AKAP19: variants seen among roughly 807,000 people sequenced by gnomAD.
AKAP19 encodes small A-kinase anchoring protein.
At chr2:190,077,912 G>C in the AKAP19 span, among the ~76,000 whole-genome samples, 1 of 152,090 alleles carries the variant, frequency 6.6e-6, no homozygotes. Context: ...TAATGCCCTG[G>C]GTATTCAACT....
At chr2:190,102,105 G>T in the AKAP19 span, among the ~76,000 whole-genome samples, 2 of 152,078 alleles carry the variant, frequency 1.3e-5, no homozygotes, top group African/African-American at 4.8e-5. Context: ...TGACTTTTGG[G>T]TAAACAAATT....
the AKAP19 span, chr2:190,181,298 G>A: frequency 3.2e-6 from 1 of 313,470 alleles, no homozygotes; most frequent in South Asian, 1.2e-4. Context: ...TAATCGAGAA[G>A]AGTTAGCCCC....
the AKAP19 span, among the ~76,000 whole-genome samples, chr2:190,169,058 G>A: frequency 3.3e-5 from 5 of 152,296 alleles, no homozygotes; most frequent in East Asian, 9.7e-4. Context: ...GCGAGATTGG[G>A]TAATTTACAA....
chr2:190,038,923 TTC>T, the AKAP19 span, among the ~76,000 whole-genome samples: 65 of 140,260 alleles, frequency 4.6e-4, no homozygotes, highest in African/African-American at 1.7e-3. Context: ...CTTCTTCTTC[TTC>T]TTCTTCTTCT....
the AKAP19 span, chr2:190,200,049 C>T: frequency 6.2e-7 from 1 of 1,613,970 alleles, no homozygotes; most frequent in African/African-American, 1.3e-5. Flanking sequence ...AATATGCACA[C>T]CGCCTGTCTC....
the AKAP19 span, among the ~76,000 whole-genome samples, chr2:190,141,970 G>A: frequency 1.3e-5 from 2 of 152,214 alleles, no homozygotes; most frequent in Non-Finnish European, 2.9e-5. Flanking sequence ...GGTGAGGTCT[G>A]GAAAGTCCTC....
At chr2:189,962,283 A>G in the AKAP19 span, among the ~76,000 whole-genome samples, 5 of 152,186 alleles carry the variant, frequency 3.3e-5, no homozygotes, top group African/African-American at 7.2e-5. Flanking sequence ...TAATGTAGGC[A>G]TGCAGCTTAT....
At chr2:190,183,589 T>C in the AKAP19 span, among the ~76,000 whole-genome samples, 1 of 152,160 alleles carries the variant, frequency 6.6e-6, no homozygotes, top group Non-Finnish European at 1.5e-5. Context: ...TATTAGTCTG[T>C]AAAGTCTAGG....
the AKAP19 span, among the ~76,000 whole-genome samples, chr2:189,964,672 A>G: frequency 1.3e-5 from 2 of 152,162 alleles, no homozygotes; most frequent in Non-Finnish European, 2.9e-5. Context: ...TGTTATGGAT[A>G]TGGCTTCCTT....
At chr2:190,094,266 G>A in the AKAP19 span, among the ~76,000 whole-genome samples, 4 of 152,258 alleles carry the variant, frequency 2.6e-5, no homozygotes, top group South Asian at 8.3e-4. Context: ...TTTTAAAAAG[G>A]GGAAACATGC....
At chr2:190,074,411 G>C in the AKAP19 span, among the ~76,000 whole-genome samples, 1 of 152,104 alleles carries the variant, frequency 6.6e-6, no homozygotes, top group East Asian at 1.9e-4. Flanking sequence ...CCAGCACTTT[G>C]GGAAGCTGAG....
the AKAP19 span, among the ~76,000 whole-genome samples, chr2:190,113,182 C>T: frequency 4.6e-5 from 7 of 151,902 alleles, no homozygotes; most frequent in Non-Finnish European, 8.8e-5. Flanking sequence ...TCACACCTTC[C>T]TTCCTTTTTC....
At chr2:190,108,531 A>G in the AKAP19 span, among the ~76,000 whole-genome samples, 1 of 152,226 alleles carries the variant, frequency 6.6e-6, no homozygotes, top group African/African-American at 2.4e-5. Context: ...CTTGGTGCTT[A>G]AATGGCAGAT....
At chr2:189,994,089 C>T in the AKAP19 span, among the ~76,000 whole-genome samples, 1 of 151,396 alleles carries the variant, frequency 6.6e-6, no homozygotes, top group Non-Finnish European at 1.5e-5. Context: ...CAGCTCACTG[C>T]AACCTCCACC....
the AKAP19 span, among the ~76,000 whole-genome samples, chr2:190,138,116 G>T: frequency 6.6e-6 from 1 of 152,168 alleles, no homozygotes; most frequent in East Asian, 1.9e-4. Flanking sequence ...TGTAAGAGGT[G>T]GTATGAAACA....
chr2:190,175,804 C>A, the AKAP19 span, among the ~76,000 whole-genome samples: 1 of 152,278 alleles, frequency 6.6e-6, no homozygotes, highest in African/African-American at 2.4e-5. Flanking sequence ...ATTATAATGG[C>A]AAACTGCCAT....
chr2:190,198,107 A>G, the AKAP19 span, among the ~76,000 whole-genome samples: 1 of 152,218 alleles, frequency 6.6e-6, no homozygotes, highest in Admixed American at 6.5e-5. Flanking sequence ...TCTCTGAAGT[A>G]TGCAGCGTGA....
chr2:190,046,481 C>T, the AKAP19 span, among the ~76,000 whole-genome samples: 3 of 152,132 alleles, frequency 2.0e-5, no homozygotes, highest in Non-Finnish European at 4.4e-5. Flanking sequence ...CCCCTAGTCT[C>T]TTTCATTTAT....
chr2:190,199,660 C>T, the AKAP19 span: 1 of 1,338,244 alleles, frequency 7.5e-7, no homozygotes, highest in Non-Finnish European at 9.8e-7. Flanking sequence ...ATTTTGCATT[C>T]TGTAACTTCA....
Sources: gnomAD v4.1 joint callset for allele counts (sites outside exome capture counted in the v4.1 genomes callset) on GRCh38, gnomAD v4.1.1 for gene constraint, MANE v1.5 for transcripts, NCBI Gene and HGNC (gene_info 2026-07-23, HGNC 2026-07-21) for gene names.